The following ARHGEF28 variants were observed in gnomAD, a reference collection of about 807,000 sequenced individuals.
ARHGEF28 encodes the protein 190 kDa guanine nucleotide exchange factor.
ARHGEF28 carries 152 observed loss-of-function variants against 206.6 expected under a neutral mutation model. The observed-to-expected ratio is 0.74, with a 90% CI of 0.64 to 0.84. The LOEUF is 0.84. Ranked by LOEUF, ARHGEF28 falls within the 40% of genes least tolerant of loss-of-function variation. ARHGEF28 has a pLI of 0.00. For synonymous variants in ARHGEF28, 763 were observed against 776.4 expected (o/e 0.98, Z 0.29); for missense variants, 2,028 against 2,073.2 (o/e 0.98, Z 0.42).
chr5:73,751,451 A>G (rs1235031005), intron 3 of ARHGEF28, among the ~76,000 whole-genome samples: 2 of 152,164 alleles, frequency 1.3e-5, no homozygotes, highest in South Asian at 2.1e-4. Flanking sequence ...TTAACGGCAC[A>G]TAGTTACTTC....
intron 2 of ARHGEF28, among the ~76,000 whole-genome samples, chr5:73,723,764 G>A (rs1326753172): frequency 6.6e-6 from 1 of 152,178 alleles, no homozygotes; most frequent in African/African-American, 2.4e-5. Flanking sequence ...ACAAAGGCGT[G>A]GAGGGCATTC....
At chr5:73,860,803 A>G (rs1257542201) in intron 16 of ARHGEF28, among the ~76,000 whole-genome samples, 1 of 152,092 alleles carries the variant, frequency 6.6e-6, no homozygotes, top group South Asian at 2.1e-4. Context: ...AGCTCTTCCC[A>G]TGGGCATTTG....
Position 73,866,002 on chromosome 5 carries a change from C to A in ARHGEF28, c.2141C>A (p.Thr714Asn). The change falls in exon 18 of 36, where the codon ACC becomes AAC. Residue 714 changes from threonine to asparagine, a missense_variant. By Grantham distance (65) the Thr-to-Asn change is moderately conservative. Around this residue, in one of 3 missense-constraint regions of ARHGEF28, gnomAD observed 1,002 missense variants for 1,015.3 expected, o/e 0.99. Transcript: ENST00000513042. ...AAATATAACAAGAACAAACCACAGA[C>A]CATCCTTGGAAGTAAGTGATGTAGA... ...QEKYNKNKPQ[T>N]ILGNSSFRDI... 6.2e-7 allele frequency: 1 copy of A among 1,604,030 alleles called. No individual in the cohort carries two copies. Among genetic ancestry groups the A allele is most frequent in the Non-Finnish European group, 8.5e-7 (1 of 1,174,024 alleles).
intron 1 of ARHGEF28, among the ~76,000 whole-genome samples, chr5:73,632,164 T>G (rs1743409763): frequency 6.6e-6 from 1 of 151,998 alleles, no homozygotes; most frequent in Non-Finnish European, 1.5e-5. Context: ...AGTGGTGGTG[T>G]TTTCCTGGGT....
At chr5:73,919,191 C>T (rs1412558909) in intron 35 of ARHGEF28, among the ~76,000 whole-genome samples, 3 of 152,206 alleles carry the variant, frequency 2.0e-5, no homozygotes, top group African/African-American at 4.8e-5. Context: ...GATTGTGATT[C>T]AGGGGTCGCC....
intron 32 of ARHGEF28, 49 bp downstream of exon 32, chr5:73,904,309 A>C: frequency 6.2e-7 from 1 of 1,612,966 alleles, no homozygotes; most frequent in Non-Finnish European, 8.5e-7. Context: ...TTATTTGTGG[A>C]TAATGAAAGC....
chr5:73,675,749 A>G (rs1366641388), intron 1 of ARHGEF28, among the ~76,000 whole-genome samples: 8 of 151,302 alleles, frequency 5.3e-5, no homozygotes, highest in East Asian at 1.9e-4. Flanking sequence ...AAAAAAAAAA[A>G]AAAAAGAAAA....
At chr5:73,700,223 A>G (rs1433352374) in intron 2 of ARHGEF28, among the ~76,000 whole-genome samples, 1 of 152,170 alleles carries the variant, frequency 6.6e-6, no homozygotes, top group Non-Finnish European at 1.5e-5. Context: ...TAAAAACACA[A>G]GTTGTAGGAG....
At chr5:73,916,640 T>C (rs536977412) in intron 35 of ARHGEF28, among the ~76,000 whole-genome samples, 3 of 152,300 alleles carry the variant, frequency 2.0e-5, no homozygotes, top group African/African-American at 7.2e-5. Flanking sequence ...CAATTAACTT[T>C]ATTCTTTAAA....
In ARHGEF28 at chr5:73,794,406, T is replaced by C; in HGVS notation, c.915T>C (p.Ile305=). Residue 305 remains isoleucine (I), a synonymous_variant, in exon 8 of 36, where the codon ATT becomes ATC. Coordinates refer to ENST00000513042, the MANE Select transcript of ARHGEF28 (RefSeq NM_001177693.2). ...TGATAATTATTTCTTTTGCAGAGAT[T>C]AAGAATTCAGTGTCCAGCAGATCAG... is the stretch of plus-strand genomic sequence containing the variant. The part of the protein sequence containing the change: ...PSSGAETEEE[I]KNSVSSRSAA... 1 of 1,599,086 alleles carries C rather than the reference T, an allele frequency of 6.3e-7. No individual in the cohort carries two copies. The highest frequency in any genetic ancestry group is 1.7e-5 in the Admixed American group (1 of 58,256).
chr5:73,713,956 G>A (rs1368109221), intron 2 of ARHGEF28, among the ~76,000 whole-genome samples: 1 of 152,130 alleles, frequency 6.6e-6, no homozygotes, highest in Non-Finnish European at 1.5e-5. Context: ...TTTATCATCA[G>A]GGAAAATGAA....
intron 20 of ARHGEF28, 40 bp from the exon 21 acceptor site, chr5:73,870,029 T>C: frequency 6.3e-7 from 1 of 1,599,668 alleles, no homozygotes; most frequent in Non-Finnish European, 8.5e-7. Context: ...TTGTGCTGCA[T>C]TATTGTACTT....
chr5:73,791,048 G>A (rs1478104221), intron 7 of ARHGEF28, among the ~76,000 whole-genome samples: 1 of 152,230 alleles, frequency 6.6e-6, no homozygotes, highest in Admixed American at 6.5e-5. Context: ...ATTCTAAAAA[G>A]TAAACAACTT....
chr5:73,933,730 C>T (rs1253299335), intron 35 of ARHGEF28, among the ~76,000 whole-genome samples: 1 of 152,156 alleles, frequency 6.6e-6, no homozygotes, highest in East Asian at 1.9e-4. Context: ...GCATTGGGCT[C>T]TCTTAAAGCA....
intron 2 of ARHGEF28, among the ~76,000 whole-genome samples, chr5:73,693,328 C>T (rs1365273197): frequency 6.6e-6 from 1 of 152,160 alleles, no homozygotes; most frequent in Non-Finnish European, 1.5e-5. Flanking sequence ...GGGGCTCCTT[C>T]ATGGACCTTA....
intron 9 of ARHGEF28, among the ~76,000 whole-genome samples, chr5:73,800,176 TC>T (rs1236191398): frequency 2.0e-5 from 3 of 152,228 alleles, no homozygotes; most frequent in African/African-American, 7.2e-5. Flanking sequence ...TGCATGCATT[TC>T]TTTTTTACGT....
intron 11 of ARHGEF28, among the ~76,000 whole-genome samples, chr5:73,842,744 C>T (rs530874741): frequency 2.3e-4 from 35 of 152,248 alleles, no homozygotes; most frequent in South Asian, 4.2e-4. Flanking sequence ...TTTGGGAGGC[C>T]GAGGCAGGTG....
intron 1 of ARHGEF28, among the ~76,000 whole-genome samples, chr5:73,637,757 G>A (rs1743817969): frequency 6.6e-6 from 1 of 152,210 alleles, no homozygotes; most frequent in African/African-American, 2.4e-5. Flanking sequence ...GAGATAAGAA[G>A]CTTAGAGGTA....
intron 1 of ARHGEF28, among the ~76,000 whole-genome samples, chr5:73,642,139 G>A (rs951587560): frequency 7.2e-5 from 11 of 152,096 alleles, no homozygotes; most frequent in African/African-American, 2.7e-4. Context: ...GACCAGAAGA[G>A]GTTATGTTCC....
Sources: allele counts gnomAD v4.1 joint callset (sites outside exome capture counted in the v4.1 genomes callset), GRCh38; gene constraint gnomAD v4.1.1; regional missense constraint gnomAD v4.1.1; transcripts MANE v1.5; gene names NCBI Gene and HGNC (gene_info 2026-07-23, HGNC 2026-07-21).